TAOK3: variants seen among roughly 807,000 people sequenced by gnomAD.
The protein encoded by TAOK3 is serine/threonine-protein kinase TAO3.
In TAOK3, 40 loss-of-function variants were observed where a neutral mutation model predicts 120.4. The observed-to-expected ratio is 0.33, with a 90% CI of 0.26 to 0.43. The LOEUF (loss-of-function observed/expected upper bound fraction) is 0.43, where lower values mean the gene tolerates loss of function less well. Ranked by LOEUF, TAOK3 falls within the 20% of genes least tolerant of loss-of-function variation. The pLI is 1.00. For synonymous variants in TAOK3, 355 were observed against 387.5 expected, an observed-to-expected ratio of 0.92 and a Z score of 0.99; for missense variants, 821 against 1,112.1, an observed-to-expected ratio of 0.74 and a Z score of 3.72.
At chr12:118,254,324 A>G (rs775531255) in intron 3 of TAOK3, among the ~76,000 whole-genome samples, 4 of 152,056 alleles carry the variant, frequency 2.6e-5, no homozygotes, top group Non-Finnish European at 4.4e-5. Flanking sequence ...CCATCCATCC[A>G]TCCATCCATC....
At chr12:118,274,379 G>T (rs1033916802) in intron 1 of TAOK3, among the ~76,000 whole-genome samples, 1 of 152,162 alleles carries the variant, frequency 6.6e-6, no homozygotes, top group Non-Finnish European at 1.5e-5. Flanking sequence ...AAATAATGCA[G>T]AAGTAGCTGG....
In TAOK3 at chr12:118,324,317, G is replaced by C. The variant is rs2043839617; in HGVS notation, c.-194+48331C>G. Reference sequence around the variant, plus strand: ...TTTCATTGTAAGACTTGAAAATTTTGACTTTTTAAACTGTAGAAATATACA... The same window carrying C: ...TTTCATTGTAAGACTTGAAAATTTTCACTTTTTAAACTGTAGAAATATACA... On this transcript the variant is annotated intron_variant, in intron 1 of 20. Transcript: ENST00000392533. 2.6e-5 allele frequency among the ~76,000 whole-genome samples: 4 copies of C among 152,158 alleles called. No individual in the cohort carries two copies. In the South Asian group the frequency reaches 8.3e-4, roughly 32 times the overall value.
intron 1 of TAOK3, among the ~76,000 whole-genome samples, chr12:118,345,649 G>A (rs1040179472): frequency 6.6e-6 from 1 of 151,500 alleles, no homozygotes; most frequent in Non-Finnish European, 1.5e-5. Context: ...GAGTGCCTTT[G>A]TCAGGACATA....
intron 1 of TAOK3, among the ~76,000 whole-genome samples, chr12:118,332,021 C>T (rs954265293): frequency 8.5e-5 from 13 of 152,072 alleles, no homozygotes; most frequent in Admixed American, 5.2e-4. Flanking sequence ...GGAGGGGTTT[C>T]GCCATATTGG....
chr12:118,249,799 T>G (rs905736903), intron 3 of TAOK3, among the ~76,000 whole-genome samples: 5 of 152,142 alleles, frequency 3.3e-5, no homozygotes, highest in African/African-American at 7.2e-5. Flanking sequence ...ACCACTGTAC[T>G]CCAGCTTGGG....
chr12:118,360,567 C>CAAAAA (rs34592832), intron 1 of TAOK3, among the ~76,000 whole-genome samples: 4 of 86,292 alleles, frequency 4.6e-5, no homozygotes, highest in African/African-American at 9.5e-5. Flanking sequence ...GACTCCGTCT[C>CAAAAA]AAAAAAAAAA....
rs1204009203 is a variant in TAOK3, at chr12:118,245,201, G to GT, written c.121-237dup. 4.6e-5 allele frequency among the ~76,000 whole-genome samples: 7 copies of GT among 152,028 alleles called. No homozygotes were observed. In the East Asian group the frequency reaches 9.7e-4, roughly 21 times the overall value. On this transcript the variant is annotated intron_variant, in intron 3 of 20. Transcript: ENST00000392533. ...GCACGCACCACCATGCCACGCTAAT[G>GT]TTTTTTGTATTTTTAGTAGAAATGG...
chr12:118,289,015 T>C (rs2042371138), intron 1 of TAOK3, among the ~76,000 whole-genome samples: 1 of 150,810 alleles, frequency 6.6e-6, no homozygotes, highest in South Asian at 2.1e-4. Flanking sequence ...GAAGTCAAAA[T>C]TCGGCTGGGC....
At chr12:118,280,179 A>G (rs189568657) in intron 1 of TAOK3, among the ~76,000 whole-genome samples, 1 of 151,278 alleles carries the variant, frequency 6.6e-6, no homozygotes, top group East Asian at 2.0e-4. Flanking sequence ...CTCCTGCCTC[A>G]GCCTCCAAGT....
At chr12:118,171,537 A>C (rs1178365292) in intron 17 of TAOK3, among the ~76,000 whole-genome samples, 3 of 152,076 alleles carry the variant, frequency 2.0e-5, no homozygotes, top group Admixed American at 2.0e-4. Flanking sequence ...TTGTATTTTT[A>C]GTAGAGACGG....
At chr12:118,273,151 T>C (rs532127900) in intron 1 of TAOK3, among the ~76,000 whole-genome samples, 34 of 152,304 alleles carry the variant, frequency 2.2e-4, no homozygotes, top group Admixed American at 9.8e-4. Context: ...TTTAAAGATA[T>C]GGTGCTAGAT....
chr12:118,170,515 A>C (rs537591478), intron 17 of TAOK3, among the ~76,000 whole-genome samples: 2 of 152,186 alleles, frequency 1.3e-5, no homozygotes, highest in Non-Finnish European at 2.9e-5. Flanking sequence ...TAATCTCCAC[A>C]CTTTGGGAGG....
At chr12:118,251,853 A>G (rs1480271282) in intron 3 of TAOK3, among the ~76,000 whole-genome samples, 1 of 148,646 alleles carries the variant, frequency 6.7e-6, no homozygotes, top group Non-Finnish European at 1.5e-5. Flanking sequence ...ACAGAGTCTC[A>G]CTCTGTCCCC....
chr12:118,217,699 A>G (rs550328452), intron 9 of TAOK3, among the ~76,000 whole-genome samples: 49 of 148,630 alleles, frequency 3.3e-4, no homozygotes, highest in Middle Eastern at 6.9e-3. Context: ...TAAAAAATAA[A>G]TTAAAAAAAA....
intron 9 of TAOK3, among the ~76,000 whole-genome samples, chr12:118,215,894 A>ATTT: frequency 7.0e-6 from 1 of 142,186 alleles, no homozygotes; most frequent in South Asian, 2.3e-4. Flanking sequence ...AATTTAAACA[A>ATTT]TTTTTTTTTT....
At chr12:118,154,030 G>C (rs1170349712) in intron 19 of TAOK3, among the ~76,000 whole-genome samples, 2 of 152,168 alleles carry the variant, frequency 1.3e-5, no homozygotes, top group African/African-American at 4.8e-5. Flanking sequence ...AGAGACACTA[G>C]ACACAATACA....
chr12:118,195,919 A>G (rs968279639), intron 13 of TAOK3, among the ~76,000 whole-genome samples: 20 of 152,016 alleles, frequency 1.3e-4, no homozygotes, highest in African/African-American at 4.6e-4. Context: ...GTGTGGTGGC[A>G]GGCGCCTGTA....
At chr12:118,351,890 T>C (rs1196943605) in intron 1 of TAOK3, among the ~76,000 whole-genome samples, 1 of 121,362 alleles carries the variant, frequency 8.2e-6, no homozygotes, top group Non-Finnish European at 1.7e-5. Flanking sequence ...TTTTTTTTTT[T>C]AGTGGCGGAG....
At chr12:118,182,624 T>TATATATATATATATA (rs371618546) in intron 14 of TAOK3, among the ~76,000 whole-genome samples, 53 of 59,234 alleles carry the variant, frequency 8.9e-4, no homozygotes, top group Middle Eastern at 9.6e-3. Flanking sequence ...TATATATATA[T>TATATATATATATATA]TTTTTTTTTT....
Sources: allele counts gnomAD v4.1 joint callset (sites outside exome capture counted in the v4.1 genomes callset), GRCh38; gene constraint gnomAD v4.1.1; transcripts MANE v1.5; gene names NCBI Gene and HGNC (gene_info 2026-07-23, HGNC 2026-07-21).